TAFA5: variants seen among roughly 807,000 people sequenced by gnomAD.
TAFA5 encodes the protein TAFA chemokine like family member 5.
In TAFA5, 6 loss-of-function variants were observed where a neutral mutation model predicts 15.3. That is an observed-to-expected ratio of 0.39 (90% CI 0.21 to 0.77). The LOEUF is 0.77. Ranked by LOEUF, TAFA5 falls within the 30% of genes least tolerant of loss-of-function variation. The probability of loss-of-function intolerance (pLI) is 0.41; values close to 1 mark genes in which losing one functional copy is unlikely to be tolerated. For missense variants in TAFA5, 161 were observed against 193.1 expected, an observed-to-expected ratio of 0.83 and a Z score of 0.98; for synonymous variants, 103 against 80.7, an observed-to-expected ratio of 1.28 and a Z score of -1.48.
intron 1 of TAFA5, among the ~76,000 whole-genome samples, chr22:48,570,377 G>A (rs1343597926): frequency 6.6e-6 from 1 of 152,176 alleles, no homozygotes; most frequent in Non-Finnish European, 1.5e-5. Context: ...GAATATACAT[G>A]ACGCATATGG....
chr22:48,633,510 CTGTCTG>C lies in TAFA5; in HGVS notation c.113-13085_113-13080del, dbSNP rs1378602477. Reference sequence around the variant, plus strand: ...CTTTGCTCTGTGTCTGTCTGTCTGTCTGTCTGTCTGTCTGTCTGTCTGTCTCTCCCT... The same window carrying C: ...CTTTGCTCTGTGTCTGTCTGTCTGTCTCTGTCTGTCTGTCTGTCTCTCCCT... On this transcript the variant is annotated intron_variant, in intron 1 of 3. Coordinates refer to ENST00000402357, the MANE Select transcript of TAFA5 (RefSeq NM_001082967.3). Among the ~76,000 whole-genome samples, 480 of 73,374 alleles carry C rather than the reference CTGTCTG, an allele frequency of 6.5e-3. 14 individuals are homozygous for C. The highest frequency in any genetic ancestry group is 0.022 in the African/African-American group (459 of 20,596). 48.1% of individuals were successfully genotyped at this position (73,374 alleles called of 152,430 possible).
intron 2 of TAFA5, among the ~76,000 whole-genome samples, chr22:48,667,408 A>G (rs1356752965): frequency 6.6e-6 from 1 of 152,164 alleles, no homozygotes; most frequent in Non-Finnish European, 1.5e-5. Flanking sequence ...TTCTAATAAA[A>G]TTCCATTTCC....
intron 1 of TAFA5, among the ~76,000 whole-genome samples, chr22:48,643,160 A>T (rs561444200): frequency 1.3e-5 from 2 of 152,258 alleles, no homozygotes; most frequent in South Asian, 2.1e-4. Context: ...AGGCACTGCA[A>T]CCCGGCTGCC....
At chr22:48,622,383 G>A (rs532551085) in intron 1 of TAFA5, among the ~76,000 whole-genome samples, 11 of 152,326 alleles carry the variant, frequency 7.2e-5, no homozygotes, top group African/African-American at 2.4e-4. Flanking sequence ...TGCCCCAGAC[G>A]CTTGTTAGAA....
intron 1 of TAFA5, among the ~76,000 whole-genome samples, chr22:48,496,579 G>A (rs1321622612): frequency 6.6e-6 from 1 of 152,206 alleles, no homozygotes; most frequent in Non-Finnish European, 1.5e-5. Context: ...GGGGGACAGA[G>A]GAGGGCCCAC....
At chr22:48,686,014 G>A (rs1187823024) in intron 2 of TAFA5, among the ~76,000 whole-genome samples, 2 of 151,850 alleles carry the variant, frequency 1.3e-5, no homozygotes, top group Non-Finnish European at 2.9e-5. Context: ...GGCCCCACGT[G>A]TGCCCCGGGA....
intron 3 of TAFA5, among the ~76,000 whole-genome samples, chr22:48,719,645 G>A (rs1929509780): frequency 6.6e-6 from 1 of 152,214 alleles, no homozygotes; most frequent in African/African-American, 2.4e-5. Context: ...ACGGCGCAGG[G>A]GTGGGTACTT....
rs58018796 is a variant in TAFA5 at position 48,638,891 on chromosome 22, A to AC, written c.113-7697dup. 1.0e-3 allele frequency among the ~76,000 whole-genome samples: 95 copies of AC among 92,970 alleles called. 14 individuals are homozygous for AC. Among genetic ancestry groups the AC allele is most frequent in the African/African-American group, 4.2e-3 (83 of 19,618 alleles). 61.0% of individuals were successfully genotyped at this position (92,970 alleles called of 152,430 possible). ...CCCTGGGACACCGCACACAGGCGGG[A>AC]CCCCCCCCCATCCCCCGACACTAAG... On this transcript the variant is annotated intron_variant, in intron 1 of 3. Transcript: ENST00000402357.
chr22:48,530,440 G>A lies in TAFA5; in HGVS notation c.112+40736G>A, dbSNP rs915051279. On this transcript the variant is annotated intron_variant, in intron 1 of 3. Coordinates refer to ENST00000402357, the MANE Select transcript of TAFA5 (RefSeq NM_001082967.3). The surrounding 1 kb of genome is among the most constrained non-coding windows in gnomAD (Gnocchi z 6.0). ...GCATTCAACTGAAAGGATTGGCTTC[G>A]AGTCTTGGCTGACCACTGGATACTC... 9.2e-5 allele frequency among the ~76,000 whole-genome samples: 14 copies of A among 152,294 alleles called. No individual in the cohort carries two copies. Among genetic ancestry groups the A allele is most frequent in the Middle Eastern group, 3.4e-3 (1 of 294 alleles).
chr22:48,625,652 A>T (rs1262306326), intron 1 of TAFA5, among the ~76,000 whole-genome samples: 1 of 152,172 alleles, frequency 6.6e-6, no homozygotes, highest in African/African-American at 2.4e-5. Context: ...TACAACACAG[A>T]TGCTCCTAAC....
intron 1 of TAFA5, among the ~76,000 whole-genome samples, chr22:48,616,871 G>A (rs957888748): frequency 4.9e-4 from 75 of 152,212 alleles, no homozygotes; most frequent in African/African-American, 1.7e-3. Context: ...GGGCACGGCT[G>A]GGGTGGGAGC....
intron 2 of TAFA5, among the ~76,000 whole-genome samples, chr22:48,658,359 G>A (rs1482486641): frequency 1.3e-5 from 2 of 152,248 alleles, no homozygotes; most frequent in Non-Finnish European, 2.9e-5. Flanking sequence ...CTGCAGCGTT[G>A]CTTGTCCATG....
At chr22:48,549,883 C>T (rs1315975188) in intron 1 of TAFA5, among the ~76,000 whole-genome samples, 1 of 152,222 alleles carries the variant, frequency 6.6e-6, no homozygotes, top group Admixed American at 6.5e-5. Flanking sequence ...GTGCCAGACG[C>T]CCTCGGGAAT....
At chr22:48,533,800 T>C (rs955911965) in intron 1 of TAFA5, among the ~76,000 whole-genome samples, 7 of 152,206 alleles carry the variant, frequency 4.6e-5, no homozygotes, top group Non-Finnish European at 5.9e-5. Flanking sequence ...ACCTGTCCTT[T>C]CTTGCTGTAC....
chr22:48,564,461 TTGCAGC>T (rs1399440382), intron 1 of TAFA5, among the ~76,000 whole-genome samples: 5 of 152,242 alleles, frequency 3.3e-5, no homozygotes, highest in African/African-American at 4.8e-5. Flanking sequence ...GCTTCCAAGC[TTGCAGC>T]TGCAGGACAG....
At chr22:48,494,177 A>G (rs1426695297) in intron 1 of TAFA5, among the ~76,000 whole-genome samples, 9 of 152,246 alleles carry the variant, frequency 5.9e-5, no homozygotes, top group Non-Finnish European at 1.3e-4. Flanking sequence ...AAGCATTTTC[A>G]GGTGACTTTT....
At chr22:48,696,790 G>C (rs62225008) in intron 2 of TAFA5, among the ~76,000 whole-genome samples, 33,265 of 152,258 alleles carry the variant, frequency 0.22, 4,073 homozygotes, top group South Asian at 0.37. Context: ...CCCAAACCCT[G>C]TGCTACATGA....
At chr22:48,615,019 C>T (rs1217187478) in intron 1 of TAFA5, among the ~76,000 whole-genome samples, 2 of 152,180 alleles carry the variant, frequency 1.3e-5, no homozygotes, top group Admixed American at 1.3e-4. Flanking sequence ...TTTTTCTTTA[C>T]AATTTCAACC....
intron 2 of TAFA5, among the ~76,000 whole-genome samples, chr22:48,676,249 C>G (rs1364336294): frequency 6.6e-6 from 1 of 152,240 alleles, no homozygotes; most frequent in Non-Finnish European, 1.5e-5. Flanking sequence ...GTCCCTCCCA[C>G]CTGGGGTCCA....
Sources: allele counts gnomAD v4.1 joint callset (sites outside exome capture counted in the v4.1 genomes callset), GRCh38; gene constraint gnomAD v4.1.1; non-coding constraint Gnocchi (gnomAD v3.1); transcripts MANE v1.5; gene names NCBI Gene and HGNC (gene_info 2026-07-23, HGNC 2026-07-21).